KRT32: variants seen among roughly 807,000 people sequenced by gnomAD.
KRT32 encodes keratin, type I cuticular Ha2.
A neutral mutation model predicts 41.8 loss-of-function variants in KRT32; 44 were observed. The ratio of observed to expected loss-of-function variants is 1.05; its 90% CI spans 0.83 to 1.35. The LOEUF is 1.35. Among genes scored for constraint, KRT32 ranks in the 40% most tolerant of loss-of-function variants. The pLI is 0.00. For missense variants in KRT32, 576 were observed against 584.6 expected (o/e 0.99, Z 0.15); for synonymous variants, 238 against 242.5 (o/e 0.98, Z 0.17).
rs557152095 is a variant in KRT32, at chr17:41,459,597, C to T, written c.*513G>A. Reference sequence around the variant, plus strand: ...TTTCTGGCATAATTATCTCCCTCCTCTCTTTATTCTTTTATTACTTGGCTC... The same window carrying T: ...TTTCTGGCATAATTATCTCCCTCCTTTCTTTATTCTTTTATTACTTGGCTC... On this transcript the variant is annotated 3_prime_UTR_variant, in exon 7 of 7. Transcript: ENST00000225899. 2.2e-4 allele frequency among the ~76,000 whole-genome samples: 33 copies of T among 152,316 alleles called. No homozygotes were observed. Among genetic ancestry groups the T allele is most frequent in the Admixed American group, 2.2e-3 (33 of 15,304 alleles).
chr17:41,466,798 G>A (rs878957776), intron 1 of KRT32, 60 bp downstream of exon 1: 2 of 1,239,802 alleles, frequency 1.6e-6, no homozygotes, highest in South Asian at 1.4e-5. Flanking sequence ...TTCCAATCTG[G>A]AATGCCAGCT....
At position 41,466,982 on chromosome 17, in the gene KRT32, C is replaced by T. The variant is rs758366433; in HGVS notation, c.344G>A (p.Arg115Gln). 6.2e-6 allele frequency: 10 copies of T among 1,614,126 alleles called. No individual in the cohort carries two copies. The highest frequency in any genetic ancestry group is 5.5e-5 in the South Asian group (5 of 91,088). ...CTCCGCATTCTCCTGCTCCAGCTGC[C>T]GCACCCTCGTCAGGTAGCTGGCCAG... ...DRLASYLTRVRQLEQENAELE... is the reference protein window; with the variant it reads ...DRLASYLTRVQQLEQENAELE... The change falls in exon 1 of 7, where the codon CGG becomes CAG. Residue 115 changes from arginine (R) to glutamine (Q), a missense_variant. Physicochemically the swap from Arg to Gln is conservative, Grantham distance 43 (BLOSUM62 1). Coordinates refer to ENST00000225899, the MANE Select transcript of KRT32 (RefSeq NM_002278.3).
rs2019023610 is a variant in KRT32 at position 41,463,062 on chromosome 17, G to A, written c.997-12C>T. 1 of 1,604,978 alleles carries A rather than the reference G, an allele frequency of 6.2e-7. No homozygotes were observed. Among genetic ancestry groups the A allele is most frequent in the Admixed American group, 1.7e-5 (1 of 59,688 alleles). On this transcript the variant is annotated splice_polypyrimidine_tract_variant and intron_variant, in intron 5 of 6. Coordinates refer to ENST00000225899, the MANE Select transcript of KRT32 (RefSeq NM_002278.3). ...TCCAGGGAGTCCCTCTAAGGCAAAG[G>A]AAGACATAACCATGAGGAAGGGAGC...
intron 6 of KRT32, among the ~76,000 whole-genome samples, chr17:41,462,482 C>A (rs936000117): frequency 6.6e-6 from 1 of 152,178 alleles, no homozygotes; most frequent in Non-Finnish European, 1.5e-5. Flanking sequence ...CAGGCCATGA[C>A]CTCCAGTCAC....
At chr17:41,463,782 C>T (rs2857254) in intron 5 of KRT32, among the ~76,000 whole-genome samples, 44,328 of 151,876 alleles carry the variant, frequency 0.29, 6,751 homozygotes, top group East Asian at 0.44. Flanking sequence ...AGAACCTGGG[C>T]ATCAGGATGG....
chr17:41,464,198 C>T lies in KRT32; in HGVS notation c.876G>A (p.Glu292=). The T allele has an allele frequency of 6.2e-7, 1 of 1,603,936 alleles. No homozygotes were observed. Among genetic ancestry groups the T allele is most frequent in the Non-Finnish European group, 8.5e-7 (1 of 1,174,822 alleles). The part of the protein sequence containing the change: ...DVEEWFNMQM[E]ELNQQVATSS... ...TTGTGGCCACCTGTTGGTTAAGCTCCTCCATCTGCAGTTGGGGGAAGGAGA... is the reference window on the plus strand; with the variant it reads ...TTGTGGCCACCTGTTGGTTAAGCTCTTCCATCTGCAGTTGGGGGAAGGAGA... The change falls in exon 5 of 7, where the codon GAG becomes GAA. Residue 292 remains glutamate (E), a synonymous_variant. Transcript: ENST00000225899.
chr17:41,466,443 T>C (rs1474611805), intron 1 of KRT32, among the ~76,000 whole-genome samples: 4 of 152,234 alleles, frequency 2.6e-5, no homozygotes, highest in African/African-American at 9.6e-5. Flanking sequence ...AAGAATCTCA[T>C]GTCTGAAGTC....
Position 41,462,851 on chromosome 17 carries a change from A to G in KRT32, c.1196T>C (p.Leu399Pro). ...GTACTTGCAGTCCTCGTTCTCCAGC[A>G]GGCTCCGGTACGTGTTGATCTCGCC... is the stretch of plus-strand genomic sequence containing the variant. ...LEGEINTYRS[L>P]LENEDCKLPC... The change falls in exon 6 of 7, where the codon CTG (leucine) becomes CCG (proline). Residue 399 changes from leucine (L) to proline (P), a missense_variant. Leu to Pro is a moderately conservative substitution (Grantham distance 98). Transcript: ENST00000225899. 1 of 1,613,484 alleles carries G rather than the reference A, an allele frequency of 6.2e-7. No individual in the cohort carries two copies. Among genetic ancestry groups the G allele is most frequent in the South Asian group, 1.1e-5 (1 of 91,046 alleles).
Position 41,466,845 on chromosome 17 carries a change from C to T in KRT32, c.468+13G>A. 1 of 1,591,024 alleles carries T rather than the reference C, an allele frequency of 6.3e-7. No individual in the cohort carries two copies. The highest frequency in any genetic ancestry group is 1.1e-5 in the South Asian group (1 of 88,682). ...CTTCCCAGAGAGCCTATTCACCTCA[C>T]CGCTGCCCTCACCTTCTGCTGGAGC... On this transcript the variant is annotated intron_variant, in intron 1 of 6. Transcript: ENST00000225899.
In KRT32 at chr17:41,462,889, C is replaced by G. The variant is rs771427188; in HGVS notation, c.1158G>C (p.Arg386=). ...TGTTGATCTCGCCCTCCAGCCGGGCCCGGACGTCCAGCAGCACCTGGTACT... is the reference window on the plus strand; with the variant it reads ...TGTTGATCTCGCCCTCCAGCCGGGCGCGGACGTCCAGCAGCACCTGGTACT... The part of the protein sequence containing the change: ...NQEYQVLLDV[R]ARLEGEINTY... The change falls in exon 6 of 7, where the codon CGG becomes CGC. Residue 386 remains arginine, a synonymous_variant. Coordinates refer to ENST00000225899, the MANE Select transcript of KRT32 (RefSeq NM_002278.3). The G allele has an allele frequency of 6.3e-7, 1 of 1,583,842 alleles. No individual in the cohort carries two copies. The highest frequency in any genetic ancestry group is 1.1e-5 in the South Asian group (1 of 87,186).
chr17:41,465,700 C>T (rs1404426010), intron 3 of KRT32, 73 bp downstream of exon 3: 1 of 1,495,928 alleles, frequency 6.7e-7, no homozygotes, highest in East Asian at 2.3e-5. Context: ...CAACCCACGC[C>T]TATCCAACCC....
chr17:41,465,622 G>A, intron 3 of KRT32, 151 bp downstream of exon 3: 1 of 667,820 alleles, frequency 1.5e-6, no homozygotes, highest in East Asian at 2.8e-5. Context: ...TTACAGAAGA[G>A]GAGGCTCAGG....
intron 6 of KRT32, among the ~76,000 whole-genome samples, chr17:41,461,080 C>T (rs562776048): frequency 9.8e-4 from 149 of 152,278 alleles, no homozygotes; most frequent in Middle Eastern, 3.4e-3. Flanking sequence ...CACTCACCTA[C>T]ATTTCTTCTC....
chr17:41,461,233 G>A (rs2018999505), intron 6 of KRT32, among the ~76,000 whole-genome samples: 1 of 152,168 alleles, frequency 6.6e-6, no homozygotes, highest in East Asian at 1.9e-4. Flanking sequence ...GCCAAGCAGT[G>A]AGGCCAGCAG....
chr17:41,466,805 A>C, intron 1 of KRT32, 53 bp downstream of exon 1: 1 of 1,318,354 alleles, frequency 7.6e-7, no homozygotes, highest in Non-Finnish European at 1.1e-6. Flanking sequence ...CTGGAATGCC[A>C]GCTAGTCCAG....
chr17:41,460,697 C>G (rs538121378), intron 6 of KRT32, among the ~76,000 whole-genome samples: 1 of 151,950 alleles, frequency 6.6e-6, no homozygotes, highest in Non-Finnish European at 1.5e-5. Context: ...TGGGGCCTGT[C>G]GAGAGGTGAG....
chr17:41,464,139 A>G lies in KRT32; in HGVS notation c.935T>C (p.Ile312Thr). The change falls in exon 5 of 7, where the codon ATC becomes ACC. Residue 312 changes from isoleucine (I) to threonine (T), a missense_variant. By Grantham distance (89) the Ile-to-Thr change is moderately conservative (BLOSUM62 -1). Transcript: ENST00000225899. ...SEQLQNYQSD[I>T]IDLRRTVNTL... ...GTTGACCGTGCGTCTCAGGTCAATGATGTCTGACTGGTAGTTCTGAAGCTG... is the reference window on the plus strand; with the variant it reads ...GTTGACCGTGCGTCTCAGGTCAATGGTGTCTGACTGGTAGTTCTGAAGCTG... 2 of 1,613,232 alleles carry G rather than the reference A, an allele frequency of 1.2e-6. No individual in the cohort carries two copies. Among genetic ancestry groups the G allele is most frequent in the Non-Finnish European group, 1.7e-6 (2 of 1,179,448 alleles).
chr17:41,464,377 C>A lies in KRT32; in HGVS notation c.775G>T (p.Val259Leu). Residue 259 changes from valine (V) to leucine (L), a missense_variant, in exon 4 of 7, where the codon GTG becomes TTG. Coordinates refer to ENST00000225899, the MANE Select transcript of KRT32 (RefSeq NM_002278.3). ...TCCTCCAGCACCCTGGTCAGGTCCA[C>A]CGGGGGTGCAGCGTCCACCTCGATG... ...LNIEVDAAPPVDLTRVLEEMR... is the reference protein window; with the variant it reads ...LNIEVDAAPPLDLTRVLEEMR... 1 of 1,611,242 alleles carries A rather than the reference C, an allele frequency of 6.2e-7. No homozygotes were observed. The highest frequency in any genetic ancestry group is 2.2e-5 in the East Asian group (1 of 44,718).
chr17:41,467,368 C>CA lies in KRT32; in HGVS notation c.-44_-43insT. On this transcript the variant is annotated 5_prime_UTR_variant, in exon 1 of 7. It adds an upstream start codon to the 5' untranslated region. Coordinates refer to ENST00000225899, the MANE Select transcript of KRT32 (RefSeq NM_002278.3). Reference sequence around the variant, plus strand: ...TCCTCAGCCACAGCTACCTGGATGTCTACAGACCCCATGCCGCCCGGGCCA... The same window carrying CA: ...TCCTCAGCCACAGCTACCTGGATGTCATACAGACCCCATGCCGCCCGGGCCA... The CA allele has an allele frequency of 6.8e-7, 1 of 1,476,804 alleles. No individual in the cohort carries two copies. Among genetic ancestry groups the CA allele is most frequent in the Non-Finnish European group, 9.2e-7 (1 of 1,087,916 alleles). 91.5% of individuals were successfully genotyped at this position (1,476,804 alleles called of 1,614,324 possible).
Sources: allele counts gnomAD v4.1 joint callset (sites outside exome capture counted in the v4.1 genomes callset), GRCh38; gene constraint gnomAD v4.1.1; transcripts MANE v1.5; gene names NCBI Gene and HGNC (gene_info 2026-07-23, HGNC 2026-07-21).